TYRO3: variants seen among roughly 807,000 people sequenced by gnomAD.
The protein encoded by TYRO3 is TYRO3 protein tyrosine kinase, also known as tyrosine-protein kinase receptor TYRO3.
TYRO3 carries 38 observed loss-of-function variants against 95.2 expected under a neutral mutation model. That is an observed-to-expected ratio of 0.40 (90% confidence interval 0.31 to 0.52). TYRO3 has a LOEUF of 0.52. Among genes scored for constraint, TYRO3 ranks in the 20% least tolerant of loss-of-function variants. TYRO3 has a pLI of 0.56. For missense variants in TYRO3, 812 were observed against 1,116.4 expected, an observed-to-expected ratio of 0.73 and a Z score of 3.89; for synonymous variants, 367 against 432.9, an observed-to-expected ratio of 0.85 and a Z score of 1.89.
At chr15:41,571,256 A>G (rs2055792445) in intron 13 of TYRO3, 138 bp downstream of exon 13, 1 of 783,940 alleles carries the variant, frequency 1.3e-6, no homozygotes, top group Non-Finnish European at 2.2e-6. Flanking sequence ...TCTTTACCAC[A>G]CGAATAATTC....
chr15:41,563,235 C>A (rs964823008), intron 4 of TYRO3, among the ~76,000 whole-genome samples: 1 of 152,204 alleles, frequency 6.6e-6, no homozygotes, highest in Non-Finnish European at 1.5e-5. Context: ...TCTCAAACAA[C>A]TGTGTCTGTC....
At chr15:41,572,895 C>T in intron 15 of TYRO3, 107 bp from the exon 16 acceptor site, 2 of 759,888 alleles carry the variant, frequency 2.6e-6, no homozygotes, top group Non-Finnish European at 4.1e-6. Flanking sequence ...TCCTTCCTTC[C>T]AGTGATTCTG....
chr15:41,571,658 T>C lies in TYRO3; in HGVS notation c.1724T>C (p.Phe575Ser). The C allele has an allele frequency of 6.2e-7, 1 of 1,613,674 alleles. No homozygotes were observed. The highest frequency in any genetic ancestry group is 8.5e-7 in the Non-Finnish European group (1 of 1,179,642). ...FLREAACMKEFDHPHVAKLVG... is the reference protein window; with the variant it reads ...FLREAACMKESDHPHVAKLVG... ...AGGGAAGCAGCTTGCATGAAGGAGT[T>C]TGACCATCCACACGTGGCCAAACTT... The change falls in exon 14 of 19, where the codon TTT becomes TCT. Residue 575 changes from phenylalanine to serine, a missense_variant. Transcript: ENST00000263798.
At chr15:41,570,866 G>T in intron 12 of TYRO3, 167 bp downstream of exon 12, 1 of 895,598 alleles carries the variant, frequency 1.1e-6, no homozygotes, top group Non-Finnish European at 1.8e-6. Flanking sequence ...CTGGAGACAG[G>T]GAGGGCTGAG....
intron 1 of TYRO3, among the ~76,000 whole-genome samples, chr15:41,560,655 A>C (rs1192015272): frequency 2.6e-5 from 4 of 151,040 alleles, no homozygotes; most frequent in Non-Finnish European, 5.9e-5. Flanking sequence ...TATGTTCTCC[A>C]CTTCAGGGGA....
Position 41,570,311 on chromosome 15 carries a change from G to A in TYRO3, c.1454G>A (p.Arg485Gln), listed in dbSNP as rs765489428. ...TTCCGGGCAGCCCGGTCCTTCAATCGAGAAAGGCCCGAGCGCATCGAGGCC... is the reference window on the plus strand; with the variant it reads ...TTCCGGGCAGCCCGGTCCTTCAATCAAGAAAGGCCCGAGCGCATCGAGGCC... ...VHFRAARSFN[R>Q]ERPERIEATL... The change falls in exon 11 of 19, where the codon CGA (arginine) becomes CAA (glutamine). Residue 485 changes from arginine (R) to glutamine (Q), a missense_variant. By Grantham distance (43) the Arg-to-Gln change is conservative. Transcript: ENST00000263798. 35 of 1,613,990 alleles carry A rather than the reference G, an allele frequency of 2.2e-5. No homozygotes were observed. The highest frequency in any genetic ancestry group is 2.7e-5 in the Non-Finnish European group (32 of 1,180,006).
chr15:41,569,646 A>G (rs931402291), intron 9 of TYRO3, among the ~76,000 whole-genome samples: 8 of 152,182 alleles, frequency 5.3e-5, no homozygotes. Flanking sequence ...GCACACCTGT[A>G]GTCCCAGCTA....
intron 3 of TYRO3, chr15:41,562,109 TCCC>T: frequency 5.6e-6 from 1 of 179,030 alleles, no homozygotes; most frequent in Non-Finnish European, 1.2e-5. Context: ...TATGCCCCTC[TCCC>T]AGCTCTCCAC....
intron 6 of TYRO3, among the ~76,000 whole-genome samples, chr15:41,566,574 G>A (rs2055727878): frequency 6.6e-6 from 1 of 152,098 alleles, no homozygotes; most frequent in Non-Finnish European, 1.5e-5. Context: ...AGTGTGATAT[G>A]ACCACCTCTA....
intron 1 of TYRO3, among the ~76,000 whole-genome samples, 182 bp downstream of exon 1, chr15:41,559,563 C>T (rs2052136493): frequency 6.6e-6 from 1 of 152,174 alleles, no homozygotes. Context: ...CCGGCCGGGC[C>T]CCCACCCCCA....
In TYRO3 at chr15:41,582,997, G is replaced by GTTTTTGTTTTTTT. The variant is rs1722850097; in HGVS notation, c.*4726_*4727insGTTTTTTTTTTTT. The GTTTTTGTTTTTTT allele has an allele frequency of 9.4e-6, 1 of 106,110 alleles. No individual in the cohort carries two copies. Among genetic ancestry groups the GTTTTTGTTTTTTT allele is most frequent in the Non-Finnish European group, 1.8e-5 (1 of 56,812 alleles). 6.6% of individuals were successfully genotyped at this position (106,110 alleles called of 1,614,324 possible). On this transcript the variant is annotated 3_prime_UTR_variant, in exon 19 of 19. Coordinates refer to ENST00000263798, the MANE Select transcript of TYRO3 (RefSeq NM_006293.4). The stretch of plus-strand genomic sequence containing the variant: ...CACTGCACCTGGCAAATTTTTAAGT[G>GTTTTTGTTTTTTT]TTTTTTTTTTTTTTTAATACAGAGC...
In TYRO3 at chr15:41,565,060, A is replaced by G. The variant is rs141776232; in HGVS notation, c.702A>G (p.Thr234=). The change falls in exon 6 of 19, where the codon ACA becomes ACG. Residue 234 remains threonine, a synonymous_variant. Coordinates refer to ENST00000263798, the MANE Select transcript of TYRO3 (RefSeq NM_006293.4). ...CAGCCCCCTTCAACATCACCGTGAC[A>G]AAGCTTTCCAGCAGCAACGCTAGTG... is the stretch of plus-strand genomic sequence containing the variant. ...LPAAPFNITV[T]KLSSSNASVA... The G allele has an allele frequency of 1.8e-4, 292 of 1,612,990 alleles. No homozygotes were observed. The highest frequency in any genetic ancestry group is 2.3e-4 in the Non-Finnish European group (270 of 1,179,982).
chr15:41,573,901 ACCTT>A, intron 18 of TYRO3, 86 bp downstream of exon 18: 1 of 1,288,570 alleles, frequency 7.8e-7, no homozygotes, highest in Non-Finnish European at 1.0e-6. Context: ...CCTCAACTGG[ACCTT>A]TGTTTTTTGA....
intron 18 of TYRO3, among the ~76,000 whole-genome samples, chr15:41,576,414 A>G (rs1031514892): frequency 2.4e-4 from 36 of 151,782 alleles, no homozygotes; most frequent in African/African-American, 8.5e-4. Flanking sequence ...GCTGGTCTCA[A>G]ACTCCCGACC....
Position 41,582,995 on chromosome 15 carries a change from G to GTGTTTTTTTTTTT in TYRO3, c.*4721_*4733dup, listed in dbSNP as rs1555397463. On this transcript the variant is annotated 3_prime_UTR_variant, in exon 19 of 19. Coordinates refer to ENST00000263798, the MANE Select transcript of TYRO3 (RefSeq NM_006293.4). ...GCCACTGCACCTGGCAAATTTTTAA[G>GTGTTTTTTTTTTT]TGTTTTTTTTTTTTTTTAATACAGA... is the stretch of plus-strand genomic sequence containing the variant. 10 of 86,920 alleles carry GTGTTTTTTTTTTT rather than the reference G, an allele frequency of 1.2e-4. 1 individual carries two copies. The highest frequency in any genetic ancestry group is 6.4e-4 in the East Asian group (1 of 1,570). The allele number at this position is 86,920 out of a possible 1,614,324, so 5.4% of individuals were successfully genotyped here.
At chr15:41,575,689 A>G (rs1414021522) in intron 18 of TYRO3, among the ~76,000 whole-genome samples, 1 of 152,142 alleles carries the variant, frequency 6.6e-6, no homozygotes, top group African/African-American at 2.4e-5. Flanking sequence ...ATTTGCATTC[A>G]TTGGACTTGG....
rs928175398 is a variant in TYRO3 at position 41,573,455 on chromosome 15, G to T, written c.2133G>T (p.Val711=). 1.2e-5 allele frequency: 19 copies of T among 1,614,150 alleles called. No individual in the cohort carries two copies. The highest frequency in any genetic ancestry group is 1.6e-5 in the Non-Finnish European group (19 of 1,180,060). The change falls in exon 17 of 19, where the codon GTG becomes GTT. Residue 711 remains valine (V), a synonymous_variant. Coordinates refer to ENST00000263798, the MANE Select transcript of TYRO3 (RefSeq NM_006293.4). ...LESLADNLYT[V]QSDVWAFGVT... ...GCCTGGCCGACAACCTGTATACTGT[G>T]CAGAGTGACGTGGTGAGCAGGGTGG...
intron 18 of TYRO3, 78 bp from the exon 19 acceptor site, chr15:41,577,808 C>T (rs2055878437): frequency 6.7e-7 from 1 of 1,481,680 alleles, no homozygotes; most frequent in Admixed American, 2.1e-5. Context: ...TTTTTAAAAC[C>T]CTAGTGCCAT....
intron 3 of TYRO3, 42 bp downstream of exon 3, chr15:41,561,681 G>C: frequency 7.2e-7 from 1 of 1,391,504 alleles, no homozygotes; most frequent in Non-Finnish European, 9.9e-7. Flanking sequence ...CCTGGAGCAC[G>C]TGCTGTCTGC....
Sources: allele counts gnomAD v4.1 joint callset (sites outside exome capture counted in the v4.1 genomes callset), GRCh38; gene constraint gnomAD v4.1.1; transcripts MANE v1.5; gene names NCBI Gene and HGNC (gene_info 2026-07-23, HGNC 2026-07-21).